The following DECR2 variants were observed in gnomAD, a reference collection of about 807,000 sequenced individuals.
DECR2 encodes the protein 2,4-dienoyl-CoA reductase 2.
Under a neutral mutation model 29.2 loss-of-function variants are expected in DECR2, and 34 were observed. That is an observed-to-expected ratio of 1.16 (90% CI 0.89 to 1.55). DECR2 has a LOEUF of 1.55. Ranked by LOEUF, DECR2 falls within the 40% of genes most tolerant of loss-of-function variation. The pLI is 0.00. For synonymous variants in DECR2, 224 were observed against 182.7 expected (o/e 1.23, Z -1.82); for missense variants, 485 against 425.3 (o/e 1.14, Z -1.23).
intron 3 of DECR2, 152 bp downstream of exon 3, chr16:406,549 G>C: frequency 2.7e-6 from 2 of 744,632 alleles, no homozygotes; most frequent in Non-Finnish European, 4.4e-6. Flanking sequence ...CCAGGCTGAA[G>C]TGTGGTGGTG....
At chr16:407,805 CCGGGCCTCTG>C (rs2054747204) in intron 4 of DECR2, among the ~76,000 whole-genome samples, 1 of 79,040 alleles carries the variant, frequency 1.3e-5, no homozygotes, top group Non-Finnish European at 2.3e-5. Context: ...GGCTCTGTCT[CCGGGCCTCTG>C]TCTTCGGCCG....
intron 1 of DECR2, among the ~76,000 whole-genome samples, 176 bp downstream of exon 1, chr16:402,219 G>A (rs577043045): frequency 3.3e-5 from 5 of 150,888 alleles, no homozygotes; most frequent in African/African-American, 4.9e-5. Flanking sequence ...GTGTCGCCCA[G>A]GCTGGAGTGC....
chr16:407,103 G>C, intron 3 of DECR2: 1 of 1,149,396 alleles, frequency 8.7e-7, no homozygotes, highest in Non-Finnish European at 1.1e-6. Context: ...CCCACCTACT[G>C]GAGCCCTCGA....
At chr16:411,186 G>C in intron 7 of DECR2, 110 bp downstream of exon 7, 3 of 1,244,076 alleles carry the variant, frequency 2.4e-6, no homozygotes, top group South Asian at 3.1e-5. Context: ...CCCTGTGCTG[G>C]TTCCATGGTG....
chr16:410,009 C>A lies in DECR2; in HGVS notation c.338-234C>A, dbSNP rs1295344511. ...CCCCATTTCCAAACAAGGCCACAGT[C>A]GCAGGTACGGAGCCAGGGCTTCAGC... On this transcript the variant is annotated intron_variant, in intron 4 of 8. Transcript: ENST00000219481. This position sits in a 1 kb window ranked among gnomAD's most constrained non-coding sequence, Gnocchi z 4.1. The A allele has an allele frequency of 3.6e-6, 2 of 550,540 alleles. No homozygotes were observed. Among genetic ancestry groups the A allele is most frequent in the East Asian group, 3.0e-5 (1 of 33,824 alleles). 34.1% of individuals were successfully genotyped at this position (550,540 alleles called of 1,614,324 possible).
Position 411,963 on chromosome 16 carries a change from G to A in DECR2, c.*74G>A, listed in dbSNP as rs1467638420. 1.4e-5 allele frequency: 3 copies of A among 220,498 alleles called. No individual in the cohort carries two copies. Among genetic ancestry groups the A allele is most frequent in the African/African-American group, 2.3e-5 (1 of 43,406 alleles). 13.7% of individuals were successfully genotyped at this position (220,498 alleles called of 1,614,324 possible). A position where few individuals can be genotyped will look rare whatever the true frequency, so the allele number is the denominator to read the frequency against. On this transcript the variant is annotated 3_prime_UTR_variant, in exon 9 of 9. Coordinates refer to ENST00000219481, the MANE Select transcript of DECR2 (RefSeq NM_020664.4). ...GCACCAATCTGAACCAGCAATGCCT[G>A]CAGCCCAGCCCCTCCTCTGAACACT... is the stretch of plus-strand genomic sequence containing the variant.
Position 411,513 on chromosome 16 carries a change from T to C in DECR2, c.814T>C (p.Trp272Arg), listed in dbSNP as rs766363350. The C allele has an allele frequency of 3.1e-6, 5 of 1,613,904 alleles. No individual in the cohort carries two copies. The highest frequency in any genetic ancestry group is 1.1e-5 in the South Asian group (1 of 91,086). ...CGTGCTGGTGGCCGATGGCGGGGCA[T>C]GGTTGACGTTCCCAAACGGTGTCAA... ...GAVLVADGGAWLTFPNGVKGL... is the reference protein window; with the variant it reads ...GAVLVADGGARLTFPNGVKGL... The change falls in exon 8 of 9, where the codon TGG becomes CGG. Residue 272 changes from tryptophan to arginine, a missense_variant. Coordinates refer to ENST00000219481, the MANE Select transcript of DECR2 (RefSeq NM_020664.4).
intron 3 of DECR2, 69 bp from the exon 4 acceptor site, chr16:407,356 A>G (rs985873317): frequency 6.5e-7 from 1 of 1,527,856 alleles, no homozygotes; most frequent in Non-Finnish European, 8.7e-7. Flanking sequence ...CGTCCTCTGC[A>G]GATTCCAAAG....
chr16:407,230 G>A lies in DECR2; in HGVS notation c.202-195G>A. On this transcript the variant is annotated intron_variant, in intron 3 of 8. Coordinates refer to ENST00000219481, the MANE Select transcript of DECR2 (RefSeq NM_020664.4). ...ATTCTAGGACAGGTGGCAGGTGGGG[G>A]GAGAGCGTGGCAGGTTCCCACAAAC... 3 of 1,402,946 alleles carry A rather than the reference G, an allele frequency of 2.1e-6. No homozygotes were observed. The South Asian group carries it at 5.0e-5, about 23-fold the overall frequency. The allele number at this position is 1,402,946 out of a possible 1,614,324, so 86.9% of individuals were successfully genotyped here.
At chr16:407,358 A>G (rs941898804) in intron 3 of DECR2, 67 bp from the exon 4 acceptor site, 1 of 1,528,658 alleles carries the variant, frequency 6.5e-7, no homozygotes, top group African/African-American at 1.4e-5. Flanking sequence ...TCCTCTGCAG[A>G]TTCCAAAGGC....
At position 411,916 on chromosome 16, in the gene DECR2, G is replaced by A. The variant is rs1373660819; in HGVS notation, c.*27G>A. On this transcript the variant is annotated 3_prime_UTR_variant, in exon 9 of 9. Coordinates refer to ENST00000219481, the MANE Select transcript of DECR2 (RefSeq NM_020664.4). ...AATCTTCCGGCCGCTGCTTCCTGCC[G>A]CCTCACTCAGCCAGGTGGAGAGCAC... is the stretch of plus-strand genomic sequence containing the variant. The A allele has an allele frequency of 3.0e-5, 9 of 303,540 alleles. No homozygotes were observed. The highest frequency in any genetic ancestry group is 8.7e-5 in the African/African-American group (4 of 45,780). The allele number at this position is 303,540 out of a possible 1,614,324, so 18.8% of individuals were successfully genotyped here. A position where few individuals can be genotyped will look rare whatever the true frequency, so the allele number is the denominator to read the frequency against.
intron 2 of DECR2, chr16:405,318 C>A: frequency 3.6e-6 from 2 of 560,486 alleles, no homozygotes; most frequent in Non-Finnish European, 6.2e-6. Context: ...CTGCAGAGCA[C>A]ATTTTCTCCT....
intron 4 of DECR2, among the ~76,000 whole-genome samples, chr16:409,373 T>C (rs2054782359): frequency 1.3e-5 from 2 of 151,016 alleles, no homozygotes; most frequent in East Asian, 2.0e-4. Flanking sequence ...GGTTTCACCA[T>C]GTTAGCCAGG....
chr16:404,653 G>A lies in DECR2; in HGVS notation c.81-303G>A, dbSNP rs557985033. On this transcript the variant is annotated intron_variant, in intron 1 of 8. Coordinates refer to ENST00000219481, the MANE Select transcript of DECR2 (RefSeq NM_020664.4). ...TTTATTTATACATATTTTTTGAGACGGAGTCTTGCTCTTTTGCCCAGGCTG... is the reference window on the plus strand; with the variant it reads ...TTTATTTATACATATTTTTTGAGACAGAGTCTTGCTCTTTTGCCCAGGCTG... 1.8e-3 allele frequency among the ~76,000 whole-genome samples: 272 copies of A among 148,336 alleles called. 2 individuals carry two copies. Among genetic ancestry groups the A allele is most frequent in the African/African-American group, 5.9e-3 (236 of 40,228 alleles).
Position 411,043 on chromosome 16 carries a change from C to G in DECR2, c.628C>G (p.Pro210Ala). The change falls in exon 7 of 9, where the codon CCC becomes GCC. Residue 210 changes from proline (P) to alanine (A), a missense_variant. Pro to Ala is a conservative substitution (Grantham distance 27). Coordinates refer to ENST00000219481, the MANE Select transcript of DECR2 (RefSeq NM_020664.4). ...CCGCGTCAACAGCCTCGCCCCTGGC[C>G]CCATCAGTGGCACAGAGGGGCTCCG... is the stretch of plus-strand genomic sequence containing the variant. ...NIRVNSLAPG[P>A]ISGTEGLRRL... 3.8e-6 allele frequency: 6 copies of G among 1,584,196 alleles called. No individual in the cohort carries two copies. Among genetic ancestry groups the G allele is most frequent in the Non-Finnish European group, 5.1e-6 (6 of 1,167,530 alleles).
Position 411,225 on chromosome 16 carries a change from C to G in DECR2, c.662-136C>G, listed in dbSNP as rs77751507. On this transcript the variant is annotated intron_variant, in intron 7 of 8. Coordinates refer to ENST00000219481, the MANE Select transcript of DECR2 (RefSeq NM_020664.4). ...ACTATGTTCTGTGCCTGGCCTGATC[C>G]TGCTCCATGCTAGGCCTTGGTGACA... The G allele has an allele frequency of 1.7e-4, 203 of 1,169,492 alleles. No individual in the cohort carries two copies. The African/African-American group carries it at 2.9e-3, about 16-fold the overall frequency. The allele number at this position is 1,169,492 out of a possible 1,614,324, so 72.4% of individuals were successfully genotyped here.
chr16:411,850 G>A, intron 8 of DECR2, 40 bp from the exon 9 acceptor site: 1 of 440,132 alleles, frequency 2.3e-6, no homozygotes, highest in Non-Finnish European at 4.0e-6. Flanking sequence ...TTAGGGGGAA[G>A]CCGTCCTCAG....
Position 408,861 on chromosome 16 carries a change from C to T in DECR2, c.337+1301C>T, listed in dbSNP as rs568570728. Among the ~76,000 whole-genome samples the T allele has an allele frequency of 3.6e-4, 50 of 140,316 alleles. No homozygotes were observed. In the South Asian group the frequency reaches 8.2e-3, roughly 23 times the overall value. 92.1% of individuals were successfully genotyped at this position (140,316 alleles called of 152,430 possible). A position where few individuals can be genotyped will look rare whatever the true frequency, so the allele number is the denominator to read the frequency against. On this transcript the variant is annotated intron_variant, in intron 4 of 8. Coordinates refer to ENST00000219481, the MANE Select transcript of DECR2 (RefSeq NM_020664.4). ...TTTTTTTTTTTTTTAGAGGGAGTTT[C>T]GCTCTTGTTGCCCAGGCTGGAGTAC...
chr16:405,362 G>A (rs2054712744), intron 2 of DECR2: 2 of 546,446 alleles, frequency 3.7e-6, no homozygotes, highest in Admixed American at 3.4e-5. Context: ...GCCAGGGTCA[G>A]CAACTTATCC....
Sources: gnomAD v4.1 joint callset for allele counts (sites outside exome capture counted in the v4.1 genomes callset) on GRCh38, gnomAD v4.1.1 for gene constraint, Gnocchi (gnomAD v3.1) non-coding constraint, MANE v1.5 for transcripts, NCBI Gene and HGNC (gene_info 2026-07-23, HGNC 2026-07-21) for gene names.